Variants in CEP128 observed in about 807,000 individuals in gnomAD.
CEP128 encodes the protein centrosomal protein 128kDa.
In CEP128, 132 loss-of-function variants were observed where a neutral mutation model predicts 156.7. That is an observed-to-expected ratio of 0.84 (90% CI 0.73 to 0.97). The LOEUF (loss-of-function observed/expected upper bound fraction) is 0.97, where lower values mean the gene tolerates loss of function less well. Among genes scored for constraint, CEP128 ranks in the 50% least tolerant of loss-of-function variants. The pLI is 0.00. For missense variants in CEP128, 1,252 were observed against 1,281.9 expected, an observed-to-expected ratio of 0.98 and a Z score of 0.36; for synonymous variants, 469 against 448.9, an observed-to-expected ratio of 1.04 and a Z score of -0.57.
chr14:80,576,638 TG>T (rs35819102), intron 20 of CEP128, among the ~76,000 whole-genome samples: 1 of 115,280 alleles, frequency 8.7e-6, no homozygotes, highest in African/African-American at 3.5e-5. Flanking sequence ...TGTGTGTGTG[TG>T]TGTGTGTGTG....
At chr14:80,591,623 C>G (rs931791197) in intron 19 of CEP128, among the ~76,000 whole-genome samples, 7 of 152,122 alleles carry the variant, frequency 4.6e-5, no homozygotes, top group African/African-American at 1.7e-4. Flanking sequence ...CAAGGATATT[C>G]AGGACTTGAA....
At chr14:80,909,574 G>A (rs1176674843) in intron 4 of CEP128, among the ~76,000 whole-genome samples, 1 of 151,950 alleles carries the variant, frequency 6.6e-6, no homozygotes, top group Non-Finnish European at 1.5e-5. Flanking sequence ...GATTTTTAAG[G>A]TCCAAAAAAT....
intron 19 of CEP128, among the ~76,000 whole-genome samples, chr14:80,724,326 C>T (rs1179465326): frequency 6.6e-6 from 1 of 152,014 alleles, no homozygotes; most frequent in Non-Finnish European, 1.5e-5. Flanking sequence ...ACACTTAAGA[C>T]GTTGAATAAA....
chr14:80,544,081 A>G (rs1024817319), intron 21 of CEP128, among the ~76,000 whole-genome samples: 1 of 152,334 alleles, frequency 6.6e-6, no homozygotes, highest in South Asian at 2.1e-4. Flanking sequence ...ACTATGTGCA[A>G]ATCAAATCTA....
chr14:80,580,575 G>T, intron 19 of CEP128, 152 bp from the exon 20 acceptor site: 2 of 565,060 alleles, frequency 3.5e-6, no homozygotes, highest in Non-Finnish European at 3.2e-6. Flanking sequence ...AAAGAAACAC[G>T]CTCTGATCCC....
chr14:80,865,133 G>A (rs115589469), intron 8 of CEP128, among the ~76,000 whole-genome samples: 1 of 151,892 alleles, frequency 6.6e-6, no homozygotes, highest in African/African-American at 2.4e-5. Context: ...CTGCTTCTAC[G>A]AACTAGACTT....
intron 23 of CEP128, among the ~76,000 whole-genome samples, chr14:80,513,976 T>C (rs1014076470): frequency 6.6e-6 from 1 of 152,184 alleles, no homozygotes; most frequent in African/African-American, 2.4e-5. Flanking sequence ...ACGATCTGAA[T>C]AGGAAATACT....
intron 7 of CEP128, among the ~76,000 whole-genome samples, chr14:80,897,512 AG>A (rs1396014169): frequency 6.6e-6 from 1 of 152,118 alleles, no homozygotes; most frequent in African/African-American, 2.4e-5. Context: ...AACATATCCA[AG>A]GCCAAACTCT....
chr14:80,938,231 TAC>T, intron 2 of CEP128, among the ~76,000 whole-genome samples: 1 of 147,886 alleles, frequency 6.8e-6, no homozygotes, highest in African/African-American at 2.5e-5. Flanking sequence ...CTGATCTTAA[TAC>T]ACAGTGTTAG....
At chr14:80,858,008 C>T (rs228112) in intron 9 of CEP128, among the ~76,000 whole-genome samples, 49,107 of 151,888 alleles carry the variant, frequency 0.32, 8,841 homozygotes, top group Non-Finnish European at 0.4. Flanking sequence ...CCCCATCAAG[C>T]TACCAATGAC....
intron 20 of CEP128, among the ~76,000 whole-genome samples, chr14:80,563,874 CATAAGA>C (rs1351970105): frequency 2.4e-4 from 36 of 151,994 alleles, no homozygotes; most frequent in African/African-American, 8.7e-4. Context: ...TAAAATAAGA[CATAAGA>C]ATATCATAAA....
At chr14:80,627,028 C>A (rs1410256796) in intron 19 of CEP128, among the ~76,000 whole-genome samples, 2 of 152,218 alleles carry the variant, frequency 1.3e-5, no homozygotes, top group Non-Finnish European at 2.9e-5. Flanking sequence ...ATATTCCATA[C>A]AGTCCTGACA....
intron 19 of CEP128, among the ~76,000 whole-genome samples, chr14:80,647,100 T>TACACAC (rs1323202529): frequency 7.7e-5 from 8 of 104,504 alleles, no homozygotes; most frequent in African/African-American, 2.9e-4. Context: ...CCCTTATAAA[T>TACACAC]ACACATACAC....
At position 80,700,531 on chromosome 14, in the gene CEP128, C is replaced by A. The variant is rs572043542; in HGVS notation, c.2806+42544G>T. Among the ~76,000 whole-genome samples, 205 of 150,490 alleles carry A rather than the reference C, an allele frequency of 1.4e-3. 1 individual carries two copies. Among genetic ancestry groups the A allele is most frequent in the African/African-American group, 4.7e-3 (189 of 39,926 alleles). ...TATCACGTTATTCATTGACCCCCCC[C>A]AAAAAAGCCATATTTCAGAGACCAT... On this transcript the variant is annotated intron_variant, in intron 19 of 24. Coordinates refer to ENST00000555265, the MANE Select transcript of CEP128 (RefSeq NM_152446.5).
rs572293284 is a variant in CEP128, at chr14:80,929,809, C to T, written c.-16+9576G>A. ...GACAGGTGCCTAAAATCCCAGACTTCACCACTATACGATTCATCCATGTAA... is the reference window on the plus strand; with the variant it reads ...GACAGGTGCCTAAAATCCCAGACTTTACCACTATACGATTCATCCATGTAA... On this transcript the variant is annotated intron_variant, in intron 2 of 24. Transcript: ENST00000555265. 9.8e-5 allele frequency among the ~76,000 whole-genome samples: 15 copies of T among 152,306 alleles called. No homozygotes were observed. The South Asian group carries it at 2.9e-3, about 29-fold the overall frequency.
At chr14:80,947,686 T>TC (rs1566732004) in intron 2 of CEP128, among the ~76,000 whole-genome samples, 1 of 151,632 alleles carries the variant, frequency 6.6e-6, no homozygotes, top group African/African-American at 2.4e-5. Context: ...GAAAAGAGAT[T>TC]CCCCCCAAAA....
chr14:80,740,209 G>A (rs998090055), intron 19 of CEP128, among the ~76,000 whole-genome samples: 1 of 151,462 alleles, frequency 6.6e-6, no homozygotes, highest in Non-Finnish European at 1.5e-5. Context: ...TATTTCACAC[G>A]TCTACTGTGC....
chr14:80,624,998 A>G (rs1304411313), intron 19 of CEP128, among the ~76,000 whole-genome samples: 2 of 152,176 alleles, frequency 1.3e-5, no homozygotes, highest in Non-Finnish European at 2.9e-5. Context: ...TGCCTAGACC[A>G]AACTCCTGAA....
chr14:80,546,573 A>G (rs1298487372), intron 21 of CEP128, among the ~76,000 whole-genome samples: 1 of 152,216 alleles, frequency 6.6e-6, no homozygotes, highest in Non-Finnish European at 1.5e-5. Context: ...GAAGATGTAA[A>G]GGGAGTACTT....
Sources: allele counts gnomAD v4.1 joint callset (sites outside exome capture counted in the v4.1 genomes callset), GRCh38; gene constraint gnomAD v4.1.1; transcripts MANE v1.5; gene names NCBI Gene and HGNC (gene_info 2026-07-23, HGNC 2026-07-21).